Variants in SIAH1 observed in about 807,000 individuals in gnomAD.
SIAH1 encodes siah E3 ubiquitin protein ligase 1, also known as E3 ubiquitin-protein ligase SIAH1.
In SIAH1, 2 loss-of-function variants were observed where a neutral mutation model predicts 20.0. The observed-to-expected ratio is 0.10, with a 90% CI of 0.04 to 0.31. The LOEUF (loss-of-function observed/expected upper bound fraction) is 0.31, where lower values mean the gene tolerates loss of function less well. Ranked by LOEUF, SIAH1 falls within the 10% of genes least tolerant of loss-of-function variation. The pLI is 1.00. For missense variants in SIAH1, 119 were observed against 355.3 expected (o/e 0.33, Z 5.35); for synonymous variants, 118 against 125.3 (o/e 0.94, Z 0.39).
upstream of SIAH1, among the ~76,000 whole-genome samples, chr16:48,386,438 A>G (rs890328958): frequency 3.3e-5 from 5 of 152,172 alleles, no homozygotes; most frequent in African/African-American, 1.2e-4. Context: ...CCCGGGAGGC[A>G]GAGGTTGCAG....
At chr16:48,384,539 CCTCT>C (rs1597036307) in intron 1 of SIAH1, among the ~76,000 whole-genome samples, 1 of 152,200 alleles carries the variant, frequency 6.6e-6, no homozygotes, top group Admixed American at 6.5e-5. Flanking sequence ...CACGCGCTCT[CCTCT>C]CTAACGACAT....
chr16:48,383,716 A>G (rs1961357533), intron 1 of SIAH1, among the ~76,000 whole-genome samples: 2 of 152,324 alleles, frequency 1.3e-5, no homozygotes, highest in South Asian at 4.1e-4. Flanking sequence ...AAATGCCACC[A>G]TCTCAGAAAG....
At chr16:48,370,887 C>T (rs947446736) in intron 1 of SIAH1, among the ~76,000 whole-genome samples, 3 of 151,482 alleles carry the variant, frequency 2.0e-5, no homozygotes, top group African/African-American at 7.3e-5. Flanking sequence ...CCAAGGCTGG[C>T]GGGATCGCTT....
At chr16:48,365,743 T>TAA in intron 1 of SIAH1, 1 of 1,375,058 alleles carries the variant, frequency 7.3e-7, no homozygotes, top group Middle Eastern at 2.7e-4. Context: ...CAATGTGCCC[T>TAA]AAGCTTTCGT....
chr16:48,386,970 G>T (rs1287248916), upstream of SIAH1: 6 of 152,374 alleles, frequency 3.9e-5, no homozygotes, highest in Admixed American at 3.9e-4. Flanking sequence ...TCCTTATCCC[G>T]CATCCCTTCC....
At chr16:48,372,570 G>T (rs949846295) in intron 1 of SIAH1, among the ~76,000 whole-genome samples, 1 of 152,056 alleles carries the variant, frequency 6.6e-6, no homozygotes, top group Non-Finnish European at 1.5e-5. Flanking sequence ...GCTCTAAGTT[G>T]GTCCTATTTT....
intron 1 of SIAH1, among the ~76,000 whole-genome samples, chr16:48,376,620 T>C (rs1961116314): frequency 6.6e-6 from 1 of 152,124 alleles, no homozygotes; most frequent in South Asian, 2.1e-4. Context: ...GCCTCCCAAG[T>C]AGCTGGGATT....
chr16:48,383,934 T>A (rs1368934037), intron 1 of SIAH1, among the ~76,000 whole-genome samples: 1 of 152,236 alleles, frequency 6.6e-6, no homozygotes, highest in East Asian at 1.9e-4. Context: ...GAACTTAGTA[T>A]GGGGCTGCCA....
chr16:48,387,117 G>A (rs1961482325), upstream of SIAH1: 2 of 152,216 alleles, frequency 1.3e-5, no homozygotes, highest in Admixed American at 6.5e-5. Flanking sequence ...CCCTGAGGAT[G>A]CCGCACACCA....
chr16:48,380,357 C>G (rs112352654), intron 1 of SIAH1, among the ~76,000 whole-genome samples: 7,034 of 151,962 alleles, frequency 0.046, 228 homozygotes, highest in Middle Eastern at 0.15. Flanking sequence ...AGGCTGAGCA[C>G]GAGAACAACT....
At position 48,362,126 on chromosome 16, in the gene SIAH1, C is replaced by T. The variant is rs768759254; in HGVS notation, c.303G>A (p.Ala101=). Residue 101 remains alanine, a synonymous_variant, in exon 2 of 2, where the codon GCG becomes GCA. Transcript: ENST00000394725. This position sits in a 1 kb window ranked among gnomAD's most constrained non-coding sequence, Gnocchi z 4.2. The stretch of plus-strand genomic sequence containing the variant: ...GCAGAGTTATTTCACATCCAGAAGA[C>T]GCATATTTACAGGGGAAAAGTACTG... ...ANSVLFPCKY[A]SSGCEITLPH... is the part of the protein sequence containing the mutation. 8 of 1,614,022 alleles carry T rather than the reference C, an allele frequency of 5.0e-6. No homozygotes were observed. The highest frequency in any genetic ancestry group is 1.7e-5 in the Admixed American group (1 of 60,000).
intron 1 of SIAH1, among the ~76,000 whole-genome samples, chr16:48,384,639 G>A (rs1236612860): frequency 6.6e-6 from 1 of 151,404 alleles, no homozygotes; most frequent in Non-Finnish European, 1.5e-5. Flanking sequence ...CGTCCCGGAC[G>A]GCTCCAGCCG....
intron 1 of SIAH1, among the ~76,000 whole-genome samples, chr16:48,377,460 G>A (rs900417551): frequency 3.4e-5 from 5 of 148,114 alleles, no homozygotes; most frequent in African/African-American, 1.3e-4. Context: ...GCACCATCTC[G>A]GCTCACTGCA....
At chr16:48,365,926 C>T in intron 1 of SIAH1, 1 of 1,220,300 alleles carries the variant, frequency 8.2e-7, no homozygotes, top group Non-Finnish European at 1.0e-6. Flanking sequence ...GGAGCCTCGG[C>T]CGGGGCTGGG....
intron 1 of SIAH1, among the ~76,000 whole-genome samples, chr16:48,376,153 G>C (rs1961103844): frequency 6.6e-6 from 1 of 152,206 alleles, no homozygotes; most frequent in South Asian, 2.1e-4. Context: ...AAATGTCTAT[G>C]ATGGTTACTT....
chr16:48,373,714 G>A (rs936905197), intron 1 of SIAH1, among the ~76,000 whole-genome samples: 2 of 152,096 alleles, frequency 1.3e-5, no homozygotes, highest in South Asian at 2.1e-4. Context: ...TATATCAGAT[G>A]ACATAAATCT....
chr16:48,365,448 C>T, intron 1 of SIAH1: 1 of 1,613,902 alleles, frequency 6.2e-7, no homozygotes, highest in Non-Finnish European at 8.5e-7. Flanking sequence ...TCCAGGAGTA[C>T]AGAGAAGGTG....
At chr16:48,380,946 G>A (rs145384451) in intron 1 of SIAH1, among the ~76,000 whole-genome samples, 6,162 of 37,944 alleles carry the variant, frequency 0.16, 45 homozygotes, top group Non-Finnish European at 0.19. Flanking sequence ...AAAAAAAAAA[G>A]AACGGCTAAA....
chr16:48,375,910 A>T (rs1348136057), intron 1 of SIAH1, among the ~76,000 whole-genome samples: 1 of 152,232 alleles, frequency 6.6e-6, no homozygotes, highest in African/African-American at 2.4e-5. Flanking sequence ...GAAACCAGAG[A>T]GAGATGGGAC....
Sources: allele counts gnomAD v4.1 joint callset (sites outside exome capture counted in the v4.1 genomes callset), GRCh38; gene constraint gnomAD v4.1.1; non-coding constraint Gnocchi (gnomAD v3.1); transcripts MANE v1.5; gene names NCBI Gene and HGNC (gene_info 2026-07-23, HGNC 2026-07-21).